Variants in MICAL2 observed in about 807,000 individuals in gnomAD.
MICAL2 encodes the protein [F-actin]-monooxygenase MICAL2.
Under a neutral mutation model 127.3 loss-of-function variants are expected in MICAL2, and 77 were observed. That is an observed-to-expected ratio of 0.60 (90% confidence interval 0.50 to 0.73). The LOEUF is 0.73. Among genes scored for constraint, MICAL2 ranks in the 30% least tolerant of loss-of-function variants. The pLI is 0.00. For missense variants in MICAL2, 1,351 were observed against 1,434.4 expected (o/e 0.94, Z 0.94); for synonymous variants, 570 against 551.1 (o/e 1.03, Z -0.48).
chr11:12,166,098 C>T (rs1226127915), intron 3 of MICAL2, among the ~76,000 whole-genome samples: 1 of 152,120 alleles, frequency 6.6e-6, no homozygotes, highest in Non-Finnish European at 1.5e-5. Context: ...CCCAGAAGAA[C>T]CTGCAATATG....
intron 24 of MICAL2, among the ~76,000 whole-genome samples, chr11:12,270,369 A>C (rs1452826437): frequency 2.6e-5 from 4 of 152,108 alleles, no homozygotes; most frequent in African/African-American, 7.2e-5. Context: ...GCTTACTGTT[A>C]GTTTTGACTG....
chr11:12,262,166 T>C (rs1863208234), intron 26 of MICAL2: 1 of 1,225,966 alleles, frequency 8.2e-7, no homozygotes, highest in Admixed American at 4.1e-5. Flanking sequence ...CGAGGATGAA[T>C]GCCTCTAGGC....
At chr11:12,195,394 A>G (rs991177974) in intron 3 of MICAL2, among the ~76,000 whole-genome samples, 16 of 152,228 alleles carry the variant, frequency 1.1e-4, no homozygotes, top group Non-Finnish European at 2.1e-4. Context: ...AGATAAATTG[A>G]CTAGTGAGTA....
At chr11:12,164,044 G>A (rs558651072) in intron 3 of MICAL2, among the ~76,000 whole-genome samples, 3 of 152,222 alleles carry the variant, frequency 2.0e-5, no homozygotes, top group African/African-American at 7.2e-5. Context: ...GATTGTCACA[G>A]GGAGTCAGCC....
At chr11:12,339,643 G>A (rs967917858) in intron 32 of MICAL2, among the ~76,000 whole-genome samples, 8 of 152,126 alleles carry the variant, frequency 5.3e-5, no homozygotes, top group Non-Finnish European at 1.2e-4. Flanking sequence ...TGTCCTTTCT[G>A]TTTGTTAGTT....
intron 12 of MICAL2, 77 bp downstream of exon 12, chr11:12,223,578 T>G: frequency 7.5e-7 from 1 of 1,326,368 alleles, no homozygotes; most frequent in African/African-American, 1.4e-5. Context: ...GTGACCGTGG[T>G]GACACAGGCA....
At chr11:12,327,127 C>T in intron 31 of MICAL2, 1 of 1,510,530 alleles carries the variant, frequency 6.6e-7, no homozygotes, top group Non-Finnish European at 9.0e-7. Flanking sequence ...CCTCTTGGGA[C>T]TCTATGTGGA....
At chr11:12,177,700 C>A (rs1031738103) in intron 3 of MICAL2, among the ~76,000 whole-genome samples, 1 of 152,132 alleles carries the variant, frequency 6.6e-6, no homozygotes, top group Admixed American at 6.5e-5. Flanking sequence ...TATGGCACAA[C>A]TTTTCTGATT....
At chr11:12,117,897 A>G (rs572973221) in intron 1 of MICAL2, among the ~76,000 whole-genome samples, 3 of 152,236 alleles carry the variant, frequency 2.0e-5, no homozygotes, top group Non-Finnish European at 4.4e-5. Context: ...ACCTCTTTCC[A>G]GACCCTCAGG....
intron 8 of MICAL2, among the ~76,000 whole-genome samples, chr11:12,218,109 T>A (rs561926272): frequency 6.6e-6 from 1 of 152,376 alleles, no homozygotes; most frequent in Non-Finnish European, 1.5e-5. Flanking sequence ...GAGGTTTTCC[T>A]GCTTCCCCAT....
intron 3 of MICAL2, among the ~76,000 whole-genome samples, chr11:12,167,209 C>T (rs540047111): frequency 4.6e-5 from 7 of 151,464 alleles, no homozygotes; most frequent in African/African-American, 1.4e-4. Context: ...CATAAAAACT[C>T]GCAGGAAATG....
chr11:12,316,300 A>T (rs1160194213), intron 29 of MICAL2, among the ~76,000 whole-genome samples: 3 of 152,012 alleles, frequency 2.0e-5, no homozygotes, highest in African/African-American at 4.8e-5. Context: ...TCAATACATT[A>T]ACATGAGATA....
chr11:12,204,251 G>A lies in MICAL2; in HGVS notation c.266G>A (p.Cys89Tyr), dbSNP rs1450289291. Reference protein sequence around the residue: ...KRGKSCTNTKCLIVGGGPCGL... With the variant: ...KRGKSCTNTKYLIVGGGPCGL... ...CTCTCTCCTCTCTCACCTCTGCAGT[G>A]TCTCATAGTTGGGGGAGGACCCTGT... The change falls in exon 4 of 28, where the codon TGT becomes TAT. Residue 89 changes from cysteine to tyrosine, a missense_variant and splice_region_variant. Coordinates refer to ENST00000683283, the MANE Select transcript of MICAL2 (RefSeq NM_001282663.2). The A allele has an allele frequency of 6.2e-7, 1 of 1,614,132 alleles. No homozygotes were observed. The highest frequency in any genetic ancestry group is 8.5e-7 in the Non-Finnish European group (1 of 1,179,996).
At chr11:12,127,782 G>A (rs1310598904) in intron 1 of MICAL2, among the ~76,000 whole-genome samples, 1 of 152,134 alleles carries the variant, frequency 6.6e-6, no homozygotes, top group African/African-American at 2.4e-5. Flanking sequence ...TGGCTTTGTA[G>A]GGGATAGGAT....
At chr11:12,348,587 T>C (rs1231678741) in intron 32 of MICAL2, among the ~76,000 whole-genome samples, 1 of 152,200 alleles carries the variant, frequency 6.6e-6, no homozygotes, top group East Asian at 1.9e-4. Flanking sequence ...AGGGAACTAA[T>C]TTTTATGGAT....
chr11:12,300,582 CA>C (rs1307977553), intron 29 of MICAL2, among the ~76,000 whole-genome samples: 1 of 152,124 alleles, frequency 6.6e-6, no homozygotes, highest in East Asian at 1.9e-4. Flanking sequence ...GGCCCATGAA[CA>C]AGAGGCCTCT....
downstream of MICAL2, chr11:12,292,295 C>G: frequency 1.2e-6 from 2 of 1,614,100 alleles, no homozygotes; most frequent in South Asian, 2.2e-5. Context: ...CTCCCCGCCT[C>G]AGGTGAGTGT....
intron 4 of MICAL2, chr11:12,207,822 T>G (rs548970123): frequency 1.9e-6 from 1 of 540,404 alleles, no homozygotes; most frequent in Admixed American, 3.2e-5. Flanking sequence ...AGAATGAGAA[T>G]AATAACGATT....
At chr11:12,120,392 A>G (rs1052854062) in intron 1 of MICAL2, among the ~76,000 whole-genome samples, 7 of 152,228 alleles carry the variant, frequency 4.6e-5, no homozygotes, top group African/African-American at 1.7e-4. Context: ...ATCAACAGCC[A>G]TAGGCCCAGG....
Sources: allele counts gnomAD v4.1 joint callset (sites outside exome capture counted in the v4.1 genomes callset), GRCh38; gene constraint gnomAD v4.1.1; transcripts MANE v1.5; gene names NCBI Gene and HGNC (gene_info 2026-07-23, HGNC 2026-07-21).